The following TMEM132D variants were observed in gnomAD, a reference collection of about 807,000 sequenced individuals.
TMEM132D encodes the protein transmembrane protein 132D.
Under a neutral mutation model 62.3 loss-of-function variants are expected in TMEM132D, and 21 were observed. That is an observed-to-expected ratio of 0.34 (90% CI 0.24 to 0.49). TMEM132D has a LOEUF of 0.49. TMEM132D is among the 20% of genes least tolerant of loss of function. TMEM132D has a pLI of 0.99. For synonymous variants in TMEM132D, 621 were observed against 575.6 expected, an observed-to-expected ratio of 1.08 and a Z score of -1.13; for missense variants, 1,346 against 1,402.8, an observed-to-expected ratio of 0.96 and a Z score of 0.65.
chr12:129,770,196 T>C (rs1464495446), intron 1 of TMEM132D, among the ~76,000 whole-genome samples: 1 of 130,032 alleles, frequency 7.7e-6, no homozygotes, highest in African/African-American at 2.9e-5. Flanking sequence ...CAGGCTGGAG[T>C]GCAGTGGCAC....
At chr12:129,123,042 T>G (rs184607002) in intron 5 of TMEM132D, among the ~76,000 whole-genome samples, 2 of 152,182 alleles carry the variant, frequency 1.3e-5, no homozygotes, top group African/African-American at 4.8e-5. Context: ...ATAAAATATA[T>G]GTAACATTAA....
In TMEM132D at chr12:129,807,076, CAAATGA is replaced by C. The variant is rs150279295; in HGVS notation, c.79+96179_79+96184del. The stretch of plus-strand genomic sequence containing the variant: ...ATAAATAAATGAATAAAGTAATTGC[CAAATGA>C]AAAAGAAAATGAGAGGATTTTACAT... On this transcript the variant is annotated intron_variant, in intron 1 of 8. Coordinates refer to ENST00000422113, the MANE Select transcript of TMEM132D (RefSeq NM_133448.3). 8.6e-3 allele frequency among the ~76,000 whole-genome samples: 1,311 copies of C among 152,150 alleles called. 17 individuals carry two copies. The highest frequency in any genetic ancestry group is 0.03 in the African/African-American group (1,226 of 41,518).
chr12:129,713,408 T>G lies in TMEM132D; in HGVS notation c.80-12710A>C, dbSNP rs568359449. Among the ~76,000 whole-genome samples, 11 of 152,094 alleles carry G rather than the reference T, an allele frequency of 7.2e-5. No individual in the cohort carries two copies. The East Asian group carries it at 7.7e-4, about 11-fold the overall frequency. ...CTCAGATTTTTGGTTTTTTGTTGTT[T>G]TTTTTTTTAATAAAAATTGCAAGAT... On this transcript the variant is annotated intron_variant, in intron 1 of 8. Transcript: ENST00000422113.
At chr12:129,521,536 A>C (rs1875847579) in intron 3 of TMEM132D, 1 of 152,232 alleles carries the variant, frequency 6.6e-6, no homozygotes, top group African/African-American at 2.4e-5. Flanking sequence ...GCAGTTGAGA[A>C]AGAATTAAGG....
Position 129,074,356 on chromosome 12 carries a change from G to T in TMEM132D, c.2819C>A (p.Thr940Asn), listed in dbSNP as rs1427091063. ...AILVFLINCV[T>N]FALKYRHKQV... The stretch of plus-strand genomic sequence containing the variant: ...TTTGTGTCTGTATTTTAATGCAAAG[G>T]TCACACAGTTTATCAAGAAGACCAA... Residue 940 changes from threonine to asparagine, a missense_variant, in exon 9 of 9, where the codon ACC becomes AAC. Coordinates refer to ENST00000422113, the MANE Select transcript of TMEM132D (RefSeq NM_133448.3). 3.1e-6 allele frequency: 5 copies of T among 1,613,870 alleles called. No individual in the cohort carries two copies. In the African/African-American group the frequency reaches 5.3e-5, roughly 17 times the overall value.
intron 3 of TMEM132D, among the ~76,000 whole-genome samples, chr12:129,441,000 T>A (rs1872921417): frequency 6.6e-6 from 1 of 152,214 alleles, no homozygotes; most frequent in African/African-American, 2.4e-5. Context: ...TCTTCACTTG[T>A]CCAGCTTTGA....
chr12:129,515,535 G>A (rs1271062145), intron 3 of TMEM132D, among the ~76,000 whole-genome samples: 1 of 152,098 alleles, frequency 6.6e-6, no homozygotes, highest in Non-Finnish European at 1.5e-5. Flanking sequence ...TTTGGCGATT[G>A]GGAATACTGC....
At chr12:129,815,457 G>T (rs146594607) in intron 1 of TMEM132D, among the ~76,000 whole-genome samples, 1 of 152,272 alleles carries the variant, frequency 6.6e-6, no homozygotes, top group South Asian at 2.1e-4. Context: ...AATCACAACC[G>T]AACCCAAGCC....
chr12:129,714,382 G>A (rs556595845), intron 1 of TMEM132D, among the ~76,000 whole-genome samples: 59 of 152,302 alleles, frequency 3.9e-4, no homozygotes, highest in Non-Finnish European at 7.2e-4. Flanking sequence ...GCAGAGATTT[G>A]AATTGCCTCA....
intron 4 of TMEM132D, among the ~76,000 whole-genome samples, chr12:129,311,197 C>CAAAAAAA (rs60836498): frequency 6.7e-5 from 2 of 29,686 alleles, no homozygotes; most frequent in African/African-American, 3.8e-4. Context: ...GACTCCGTCT[C>CAAAAAAA]AAAAAAAAAA....
At chr12:129,677,127 T>C (rs1427760286) in intron 2 of TMEM132D, among the ~76,000 whole-genome samples, 1 of 152,234 alleles carries the variant, frequency 6.6e-6, no homozygotes, top group Non-Finnish European at 1.5e-5. Flanking sequence ...GGTTGGGCTG[T>C]GACCCCACCC....
intron 3 of TMEM132D, among the ~76,000 whole-genome samples, chr12:129,462,110 T>C (rs1012010979): frequency 6.6e-6 from 1 of 152,140 alleles, no homozygotes; most frequent in Admixed American, 6.5e-5. Flanking sequence ...TTTTCTACTG[T>C]AAGAAAAGTC....
chr12:129,876,092 C>T (rs527897794), intron 1 of TMEM132D, among the ~76,000 whole-genome samples: 1 of 152,284 alleles, frequency 6.6e-6, no homozygotes, highest in African/African-American at 2.4e-5. Flanking sequence ...TCCAATAGCT[C>T]ACTACCTAGT....
chr12:129,268,273 G>T (rs1305219766), intron 4 of TMEM132D, among the ~76,000 whole-genome samples: 3 of 152,102 alleles, frequency 2.0e-5, no homozygotes, highest in Non-Finnish European at 4.4e-5. Context: ...GAAAATTTTT[G>T]CAACCTACTC....
At chr12:129,792,025 A>C (rs1308089185) in intron 1 of TMEM132D, among the ~76,000 whole-genome samples, 1 of 152,188 alleles carries the variant, frequency 6.6e-6, no homozygotes, top group Non-Finnish European at 1.5e-5. Context: ...GAGGGGGCAA[A>C]GCTTTGGGGG....
chr12:129,620,375 G>A (rs1178404427), intron 2 of TMEM132D, among the ~76,000 whole-genome samples: 2 of 152,198 alleles, frequency 1.3e-5, no homozygotes, highest in Non-Finnish European at 2.9e-5. Context: ...GAGGTGGGAG[G>A]ATCCCTTGAT....
At chr12:129,315,253 C>T (rs1868443907) in intron 4 of TMEM132D, among the ~76,000 whole-genome samples, 1 of 152,082 alleles carries the variant, frequency 6.6e-6, no homozygotes, top group South Asian at 2.1e-4. Flanking sequence ...CAACTTTTCC[C>T]CATTCAGTAT....
chr12:129,272,664 T>C (rs1055549596), intron 4 of TMEM132D, among the ~76,000 whole-genome samples: 8 of 151,778 alleles, frequency 5.3e-5, no homozygotes, highest in South Asian at 2.1e-4. Context: ...TTAAATCCCT[T>C]ATAGATTTTA....
At position 129,634,756 on chromosome 12, in the gene TMEM132D, A is replaced by G. The variant is rs562548340; in HGVS notation, c.968+65054T>C. 1.9e-3 allele frequency among the ~76,000 whole-genome samples: 292 copies of G among 152,170 alleles called. 1 individual carries two copies. Among genetic ancestry groups the G allele is most frequent in the African/African-American group, 6.7e-3 (280 of 41,524 alleles). ...TTTGTTTTATAGAAAAGGTTTTATT[A>G]TTTTTGCCTTCTTAGTATTCTCTGC... On this transcript the variant is annotated intron_variant, in intron 2 of 8. Transcript: ENST00000422113.
Sources: allele counts gnomAD v4.1 joint callset (sites outside exome capture counted in the v4.1 genomes callset), GRCh38; gene constraint gnomAD v4.1.1; transcripts MANE v1.5; gene names NCBI Gene and HGNC (gene_info 2026-07-23, HGNC 2026-07-21).